BUB1: variants seen among roughly 807,000 people sequenced by gnomAD.
BUB1 encodes BUB1 mitotic checkpoint serine/threonine kinase, also known as mitotic checkpoint serine/threonine-protein kinase BUB1.
A neutral mutation model predicts 135.2 loss-of-function variants in BUB1; 84 were observed. The ratio of observed to expected loss-of-function variants is 0.62; its 90% confidence interval spans 0.52 to 0.74. The LOEUF (loss-of-function observed/expected upper bound fraction) is 0.74. BUB1 is among the 30% of genes least tolerant of loss of function. The probability of loss-of-function intolerance (pLI) is 0.00; values close to 1 mark genes in which losing one functional copy is unlikely to be tolerated. For synonymous variants in BUB1, 403 were observed against 434.4 expected (o/e 0.93, Z 0.90); for missense variants, 1,162 against 1,288.3 (o/e 0.90, Z 1.50).
chr2:110,642,186 G>C lies in BUB1; in HGVS notation c.2396C>G (p.Ala799Gly). The stretch of plus-strand genomic sequence containing the variant: ...TCCCTGGGTAGCTTCGTACACCTGG[G>C]CAAAGGCTCCTTCTCCAAGAAGGTG... ...VHHLLGEGAFAQVYEATQGDL... is the reference protein window; with the variant it reads ...VHHLLGEGAFGQVYEATQGDL... Residue 799 changes from alanine to glycine, a missense_variant, in exon 20 of 25, where the codon GCC (alanine) becomes GGC (glycine). Coordinates refer to ENST00000302759, the MANE Select transcript of BUB1 (RefSeq NM_004336.5). 1.2e-6 allele frequency: 2 copies of C among 1,613,642 alleles called. No homozygotes were observed. Among genetic ancestry groups the C allele is most frequent in the Non-Finnish European group, 8.5e-7 (1 of 1,179,824 alleles).
intron 19 of BUB1, among the ~76,000 whole-genome samples, chr2:110,647,470 T>C (rs1284962880): frequency 6.6e-6 from 1 of 151,814 alleles, no homozygotes; most frequent in Non-Finnish European, 1.5e-5. Context: ...ATCCATCACA[T>C]CAACAAAGAA....
intron 3 of BUB1, 76 bp downstream of exon 3, chr2:110,674,010 G>T: frequency 8.4e-7 from 1 of 1,184,868 alleles, no homozygotes; most frequent in South Asian, 1.5e-5. Flanking sequence ...AGCCTAAAAT[G>T]ATCTTACAAT....
chr2:110,646,890 C>G (rs777448497), intron 19 of BUB1, among the ~76,000 whole-genome samples: 1 of 151,920 alleles, frequency 6.6e-6, no homozygotes, highest in Non-Finnish European at 1.5e-5. Context: ...ATAAACATTA[C>G]AGTAGAAATC....
chr2:110,670,453 A>G, intron 5 of BUB1, 72 bp downstream of exon 5: 1 of 1,572,420 alleles, frequency 6.4e-7, no homozygotes, highest in Non-Finnish European at 8.7e-7. Context: ...TGTTTTTTAA[A>G]GAAAAGAAAA....
intron 3 of BUB1, among the ~76,000 whole-genome samples, 188 bp from the exon 4 acceptor site, chr2:110,673,045 G>A (rs1690465840): frequency 6.6e-6 from 1 of 152,186 alleles, no homozygotes. Context: ...GGAGGGAAGA[G>A]GGACTGAAGT....
At position 110,653,425 on chromosome 2, in the gene BUB1, C is replaced by G. The variant is rs375904895; in HGVS notation, c.1964+11G>C. 8 of 1,610,218 alleles carry G rather than the reference C, an allele frequency of 5.0e-6. No homozygotes were observed. Among genetic ancestry groups the G allele is most frequent in the Non-Finnish European group, 6.8e-6 (8 of 1,176,924 alleles). On this transcript the variant is annotated intron_variant, in intron 17 of 24. Transcript: ENST00000302759. The stretch of plus-strand genomic sequence containing the variant: ...AAGAGAATGGCAGAACCAAATAAAC[C>G]CTCACAATACCTGAATTTTCCATCC...
chr2:110,641,137 A>G lies in BUB1; in HGVS notation c.2852T>C (p.Ile951Thr), dbSNP rs1689492884. Residue 951 changes from isoleucine to threonine, a missense_variant, in exon 23 of 25, where the codon ATA (isoleucine) becomes ACA (threonine). Ile to Thr is a moderately conservative substitution (Grantham distance 89). Coordinates refer to ENST00000302759, the MANE Select transcript of BUB1 (RefSeq NM_004336.5). Reference sequence around the variant, plus strand: ...TCCTTTTGGAAAAAGTTTCATATCTATACTCTGACCCAGGTCAATCAGTGC... The same window carrying G: ...TCCTTTTGGAAAAAGTTTCATATCTGTACTCTGACCCAGGTCAATCAGTGC... ...GLALIDLGQS[I>T]DMKLFPKGTI... is the part of the protein sequence containing the mutation. 2 of 1,613,450 alleles carry G rather than the reference A, an allele frequency of 1.2e-6. No individual in the cohort carries two copies. Among genetic ancestry groups the G allele is most frequent in the Non-Finnish European group, 8.5e-7 (1 of 1,179,848 alleles).
chr2:110,649,990 T>C (rs1388971525), intron 18 of BUB1, among the ~76,000 whole-genome samples: 1 of 152,196 alleles, frequency 6.6e-6, no homozygotes, highest in Non-Finnish European at 1.5e-5. Flanking sequence ...CTCAGTGCTT[T>C]ATTAATTTAC....
chr2:110,658,530 C>G lies in BUB1; in HGVS notation c.1406-10G>C. On this transcript the variant is annotated splice_polypyrimidine_tract_variant and intron_variant, in intron 12 of 24. Transcript: ENST00000302759. The stretch of plus-strand genomic sequence containing the variant: ...ATATTCATGATGAAACCTTAAAGAA[C>G]AAAAAGAATAATTGTAAACAGGTTG... 2 of 1,613,380 alleles carry G rather than the reference C, an allele frequency of 1.2e-6. No individual in the cohort carries two copies. The highest frequency in any genetic ancestry group is 1.7e-6 in the Non-Finnish European group (2 of 1,179,744).
At chr2:110,661,934 G>A in intron 9 of BUB1, 93 bp from the exon 10 acceptor site, 1 of 1,427,060 alleles carries the variant, frequency 7.0e-7, no homozygotes, top group Non-Finnish European at 9.5e-7. Context: ...CATGGCATCT[G>A]TCTTCAATGG....
At position 110,661,602 on chromosome 2, in the gene BUB1, T is replaced by C; in HGVS notation, c.1197A>G (p.Ala399=). ...KAQTVTDSMF[A]VASKDAGCVN... Reference sequence around the variant, plus strand: ...CTTACCCAGCATCTTTGCTGGCCACTGCAAACATGGAGTCTGTTACTGTCT... The same window carrying C: ...CTTACCCAGCATCTTTGCTGGCCACCGCAAACATGGAGTCTGTTACTGTCT... The change falls in exon 10 of 25, where the codon GCA becomes GCG. Residue 399 remains alanine (A), a synonymous_variant. Transcript: ENST00000302759. 6.2e-7 allele frequency: 1 copy of C among 1,614,152 alleles called. No homozygotes were observed. Among genetic ancestry groups the C allele is most frequent in the Non-Finnish European group, 8.5e-7 (1 of 1,180,022 alleles).
rs1018010189 is a variant in BUB1, at chr2:110,637,869, A to C, written c.*95T>G. On this transcript the variant is annotated 3_prime_UTR_variant, in exon 25 of 25. Coordinates refer to ENST00000302759, the MANE Select transcript of BUB1 (RefSeq NM_004336.5). ...ATTCCATGGGATTTATTTTTAACAA[A>C]CATTTACATAAACAATAAATGAAAA... 2.7e-5 allele frequency: 24 copies of C among 888,102 alleles called. No individual in the cohort carries two copies. Among genetic ancestry groups the C allele is most frequent in the Non-Finnish European group, 3.8e-5 (24 of 635,086 alleles). The allele number at this position is 888,102 out of a possible 1,614,324, so 55.0% of individuals were successfully genotyped here.
In BUB1 at chr2:110,661,828, C is replaced by A; in HGVS notation, c.971G>T (p.Arg324Leu). 1 of 1,614,032 alleles carries A rather than the reference C, an allele frequency of 6.2e-7. No homozygotes were observed. The highest frequency in any genetic ancestry group is 8.5e-7 in the Non-Finnish European group (1 of 1,179,990). The change falls in exon 10 of 25, where the codon CGT becomes CTT. Residue 324 changes from arginine to leucine, a missense_variant. Transcript: ENST00000302759. Reference sequence around the variant, plus strand: ...CTGGGAGCCTACACTTGGCCCCATACGTGCTGGATTAACCTTTCATATTAA... The same window carrying A: ...CTGGGAGCCTACACTTGGCCCCATAAGTGCTGGATTAACCTTTCATATTAA... ...SQERSEVNPA[R>L]MGPSVGSQQE... is the part of the protein sequence containing the mutation.
intron 1 of BUB1, among the ~76,000 whole-genome samples, chr2:110,677,018 T>C (rs1460648455): frequency 6.6e-6 from 1 of 152,212 alleles, no homozygotes; most frequent in Non-Finnish European, 1.5e-5. Context: ...AAAATATGTC[T>C]AGTAGGCTCG....
intron 1 of BUB1, among the ~76,000 whole-genome samples, chr2:110,674,656 G>A (rs1212001814): frequency 2.0e-5 from 3 of 152,108 alleles, no homozygotes; most frequent in African/African-American, 7.2e-5. Context: ...CTCCTCTCAC[G>A]GAACCCCAAT....
At chr2:110,674,496 C>T (rs1287584320) in intron 1 of BUB1, 131 bp from the exon 2 acceptor site, 1 of 748,088 alleles carries the variant, frequency 1.3e-6, no homozygotes, top group East Asian at 2.7e-5. Flanking sequence ...TTTATATATA[C>T]ACCATTTATA....
chr2:110,668,558 C>G (rs1690330153), intron 6 of BUB1, among the ~76,000 whole-genome samples: 2 of 152,296 alleles, frequency 1.3e-5, no homozygotes, highest in South Asian at 2.1e-4. Context: ...CAAGGAGGTC[C>G]TTGATGAACT....
intron 20 of BUB1, 99 bp from the exon 21 acceptor site, chr2:110,641,902 G>A (rs1689516274): frequency 1.5e-6 from 2 of 1,332,760 alleles, no homozygotes; most frequent in South Asian, 1.4e-5. Flanking sequence ...GGTGTTGATA[G>A]TGATGACAAG....
At chr2:110,660,807 T>G (rs1690063216) in intron 10 of BUB1, 1 of 152,220 alleles carries the variant, frequency 6.6e-6, no homozygotes, top group African/African-American at 2.4e-5. Context: ...GCAGCCACAG[T>G]GCAATGTCCT....
Sources: gnomAD v4.1 joint callset for allele counts (sites outside exome capture counted in the v4.1 genomes callset) on GRCh38, gnomAD v4.1.1 for gene constraint, MANE v1.5 for transcripts, NCBI Gene and HGNC (gene_info 2026-07-23, HGNC 2026-07-21) for gene names.